Variants in RNF150 observed in about 807,000 individuals in gnomAD.
RNF150 encodes the protein ring finger protein 150.
A neutral mutation model predicts 39.3 loss-of-function variants in RNF150; 24 were observed. That is an observed-to-expected ratio of 0.61 (90% CI 0.44 to 0.86). The LOEUF is 0.86. RNF150 is among the 40% of genes least tolerant of loss of function. The pLI, the probability that RNF150 is intolerant of heterozygous loss-of-function variation, is 0.00. For synonymous variants in RNF150, 255 were observed against 227.3 expected (o/e 1.12, Z -1.10); for missense variants, 502 against 587.8 (o/e 0.85, Z 1.51).
At chr4:141,078,617 TA>T (rs1321926979) in intron 1 of RNF150, among the ~76,000 whole-genome samples, 21 of 149,548 alleles carry the variant, frequency 1.4e-4, no homozygotes, top group Non-Finnish European at 3.1e-4. Flanking sequence ...CCGTCTCTAC[TA>T]AAAATACAAA....
At chr4:140,963,557 A>AAAGTTTGC (rs4055827) in intron 2 of RNF150, among the ~76,000 whole-genome samples, 67,780 of 151,232 alleles carry the variant, frequency 0.45, 16,101 homozygotes, top group East Asian at 0.71. Context: ...AAAATGGAGA[A>AAAGTTTGC]AAGTTTGCAA....
At chr4:140,927,150 C>A (rs1359828654) in intron 4 of RNF150, among the ~76,000 whole-genome samples, 2 of 152,226 alleles carry the variant, frequency 1.3e-5, no homozygotes, top group Non-Finnish European at 2.9e-5. Context: ...GGAATTGCTA[C>A]CTTTTAAACT....
At chr4:140,899,777 A>C (rs1480154303) in intron 6 of RNF150, among the ~76,000 whole-genome samples, 1 of 152,026 alleles carries the variant, frequency 6.6e-6, no homozygotes, top group African/African-American at 2.4e-5. Flanking sequence ...AATCTGGCTA[A>C]ATCACTTCAG....
chr4:141,057,577 T>C (rs917716511), intron 1 of RNF150, among the ~76,000 whole-genome samples: 28 of 152,172 alleles, frequency 1.8e-4, no homozygotes, highest in African/African-American at 6.0e-4. Flanking sequence ...CCAAAGTCCA[T>C]TATATATCTC....
chr4:141,124,058 C>A (rs1726687401), intron 1 of RNF150, among the ~76,000 whole-genome samples: 1 of 152,214 alleles, frequency 6.6e-6, no homozygotes, highest in South Asian at 2.1e-4. Flanking sequence ...TCAGCTCCTG[C>A]TTTAAGGTCC....
At chr4:141,164,251 GA>G (rs1271081713) in intron 1 of RNF150, among the ~76,000 whole-genome samples, 1 of 151,560 alleles carries the variant, frequency 6.6e-6, no homozygotes, top group Non-Finnish European at 1.5e-5. Context: ...GACAAGATTA[GA>G]GAAAAAAGAA....
intron 5 of RNF150, among the ~76,000 whole-genome samples, chr4:140,922,819 A>G (rs1261337251): frequency 6.6e-6 from 1 of 151,296 alleles, no homozygotes; most frequent in Non-Finnish European, 1.5e-5. Context: ...AATGCCGCAT[A>G]TCTACAACTA....
chr4:141,189,697 G>A (rs1270943061), intron 1 of RNF150, among the ~76,000 whole-genome samples: 5 of 152,142 alleles, frequency 3.3e-5, no homozygotes, highest in African/African-American at 1.2e-4. Flanking sequence ...CGTTTACACT[G>A]TGAGGGGAAA....
At chr4:140,902,546 A>C (rs1013631571) in intron 6 of RNF150, among the ~76,000 whole-genome samples, 1 of 152,208 alleles carries the variant, frequency 6.6e-6, no homozygotes, top group African/African-American at 2.4e-5. Flanking sequence ...ATGGCATGTC[A>C]ATAGAACTTT....
chr4:140,972,466 CAAATT>C (rs1733503140), intron 1 of RNF150, among the ~76,000 whole-genome samples: 1 of 152,142 alleles, frequency 6.6e-6, no homozygotes, highest in Non-Finnish European at 1.5e-5. Flanking sequence ...AGTACATTAA[CAAATT>C]AAAGGAATAA....
chr4:141,032,949 G>A (rs1443716943), intron 1 of RNF150, among the ~76,000 whole-genome samples: 1 of 152,146 alleles, frequency 6.6e-6, no homozygotes, highest in Non-Finnish European at 1.5e-5. Context: ...TTTGCCAGTG[G>A]AGGGTCTTGC....
At chr4:141,163,899 C>T (rs1727554778) in intron 1 of RNF150, among the ~76,000 whole-genome samples, 1 of 152,048 alleles carries the variant, frequency 6.6e-6, no homozygotes, top group African/African-American at 2.4e-5. Flanking sequence ...TGCTTCTCCT[C>T]CAAAGGATCA....
intron 1 of RNF150, among the ~76,000 whole-genome samples, chr4:141,045,034 A>C (rs956531864): frequency 1.3e-5 from 2 of 152,220 alleles, no homozygotes; most frequent in Non-Finnish European, 2.9e-5. Context: ...TATGAGGTAC[A>C]TCCCAATGGT....
chr4:141,033,041 C>T (rs1180870080), intron 1 of RNF150, among the ~76,000 whole-genome samples: 1 of 152,148 alleles, frequency 6.6e-6, no homozygotes, highest in Non-Finnish European at 1.5e-5. Flanking sequence ...AATAAGACAA[C>T]AATGAAGTTT....
chr4:140,901,400 G>A (rs1730182329), intron 6 of RNF150, among the ~76,000 whole-genome samples: 2 of 152,140 alleles, frequency 1.3e-5, no homozygotes, highest in Non-Finnish European at 2.9e-5. Context: ...TTCACACAGG[G>A]GTAGGGTCAT....
At chr4:140,935,013 ATATATAT>A (rs1309297414) in intron 4 of RNF150, among the ~76,000 whole-genome samples, 8 of 68,586 alleles carry the variant, frequency 1.2e-4, no homozygotes, top group African/African-American at 5.1e-4. Context: ...ATATAAATAT[ATATATAT>A]TATATATTTA....
At chr4:141,023,202 C>A (rs1340713081) in intron 1 of RNF150, among the ~76,000 whole-genome samples, 1 of 150,442 alleles carries the variant, frequency 6.6e-6, no homozygotes, top group African/African-American at 2.5e-5. Context: ...TTTCTAGTAG[C>A]CACATAAAAA....
intron 6 of RNF150, among the ~76,000 whole-genome samples, chr4:140,898,153 A>G (rs1730030098): frequency 6.6e-6 from 1 of 152,152 alleles, no homozygotes; most frequent in African/African-American, 2.4e-5. Context: ...TTGTTCTATC[A>G]TAGGGCTTGG....
chr4:140,996,240 T>A (rs753233474), intron 1 of RNF150, among the ~76,000 whole-genome samples: 5 of 152,190 alleles, frequency 3.3e-5, no homozygotes, highest in Non-Finnish European at 4.4e-5. Context: ...ATGTTGAGCA[T>A]TTTATCATAT....
Sources: gnomAD v4.1 joint callset for allele counts (sites outside exome capture counted in the v4.1 genomes callset) on GRCh38, gnomAD v4.1.1 for gene constraint, MANE v1.5 for transcripts, NCBI Gene and HGNC (gene_info 2026-07-23, HGNC 2026-07-21) for gene names.